The following PPP4R3B variants were observed in gnomAD, a reference collection of about 807,000 sequenced individuals.
The protein encoded by PPP4R3B is serine/threonine-protein phosphatase 4 regulatory subunit 3B.
Under a neutral mutation model 95.4 loss-of-function variants are expected in PPP4R3B, and 52 were observed. That is an observed-to-expected ratio of 0.54 (90% confidence interval 0.44 to 0.69). The LOEUF (loss-of-function observed/expected upper bound fraction) is 0.69. Ranked by LOEUF, PPP4R3B falls within the 30% of genes least tolerant of loss-of-function variation. The pLI, the probability that PPP4R3B is intolerant of heterozygous loss-of-function variation, is 0.00. For missense variants in PPP4R3B, 1,003 were observed against 1,005.9 expected (o/e 1.00, Z 0.04); for synonymous variants, 407 against 343.9 (o/e 1.18, Z -2.03).
At chr2:55,602,874 T>C (rs1355875172) in intron 3 of PPP4R3B, among the ~76,000 whole-genome samples, 1 of 152,150 alleles carries the variant, frequency 6.6e-6, no homozygotes, top group Non-Finnish European at 1.5e-5. Context: ...ATTATGGAAA[T>C]TGAGAGTGCT....
At chr2:55,588,291 A>G (rs1334846902) in intron 5 of PPP4R3B, among the ~76,000 whole-genome samples, 1 of 152,042 alleles carries the variant, frequency 6.6e-6, no homozygotes, top group African/African-American at 2.4e-5. Flanking sequence ...AGGCGGGGGG[A>G]TCACCTCAGG....
chr2:55,558,132 C>T (rs1227451736), intron 16 of PPP4R3B, among the ~76,000 whole-genome samples: 1 of 152,116 alleles, frequency 6.6e-6, no homozygotes, highest in African/African-American at 2.4e-5. Context: ...GCCACGCACA[C>T]TCATACACAG....
At chr2:55,570,980 A>G (rs1687924535) in intron 12 of PPP4R3B, among the ~76,000 whole-genome samples, 3 of 152,210 alleles carry the variant, frequency 2.0e-5, no homozygotes, top group Admixed American at 2.0e-4. Flanking sequence ...CACTGCTTAT[A>G]ATAATAGAAA....
chr2:55,596,334 T>C (rs1369236571), intron 4 of PPP4R3B, among the ~76,000 whole-genome samples: 4 of 57,298 alleles, frequency 7.0e-5, no homozygotes, highest in African/African-American at 3.6e-4. Flanking sequence ...AATCATCAGA[T>C]TCGTCTATTT....
rs753735372 is a variant in PPP4R3B at position 55,598,904 on chromosome 2, T to G, written c.433A>C (p.Ile145Leu). The change falls in exon 4 of 17, where the codon ATT (isoleucine) becomes CTT (leucine). Residue 145 changes from isoleucine (I) to leucine (L), a missense_variant. By Grantham distance (5) the Ile-to-Leu change is conservative. Transcript: ENST00000616407. ...PTCELNKLEE[I>L]ADLVTSVLSS... Reference sequence around the variant, plus strand: ...AGCACTGAGGTAACTAAGTCAGCAATCTCTTCAAGTTTATTGAGTTCACAT... The same window carrying G: ...AGCACTGAGGTAACTAAGTCAGCAAGCTCTTCAAGTTTATTGAGTTCACAT... 9 of 1,614,042 alleles carry G rather than the reference T, an allele frequency of 5.6e-6. No individual in the cohort carries two copies. The South Asian group carries it at 8.8e-5, about 16-fold the overall frequency.
chr2:55,565,621 T>C (rs771813487), intron 13 of PPP4R3B: 5 of 152,476 alleles, frequency 3.3e-5, no homozygotes, highest in Admixed American at 2.0e-4. Flanking sequence ...TAATATTATG[T>C]ATTAATAAAA....
intron 3 of PPP4R3B, among the ~76,000 whole-genome samples, chr2:55,600,416 A>C (rs150281154): frequency 0.023 from 2,556 of 112,638 alleles, 105 homozygotes; most frequent in African/African-American, 0.081. Flanking sequence ...ACGAGAGTGA[A>C]ACTCTGTCTC....
chr2:55,590,235 G>A (rs913316298), intron 4 of PPP4R3B, among the ~76,000 whole-genome samples: 1 of 151,636 alleles, frequency 6.6e-6, no homozygotes, highest in African/African-American at 2.4e-5. Flanking sequence ...GCTGAGGCAG[G>A]AGAATCGCTT....
At chr2:55,558,994 G>T in intron 15 of PPP4R3B, 26 bp from the exon 16 acceptor site, 3 of 1,566,402 alleles carry the variant, frequency 1.9e-6, no homozygotes, top group Non-Finnish European at 2.6e-6. Flanking sequence ...AATTTTGAAC[G>T]TATATCAATA....
At chr2:55,579,058 G>A (rs1689085348) in intron 9 of PPP4R3B, among the ~76,000 whole-genome samples, 1 of 151,794 alleles carries the variant, frequency 6.6e-6, no homozygotes. Context: ...TTACCTAGAG[G>A]GATATACTAA....
At chr2:55,579,914 A>G (rs1689216518) in intron 8 of PPP4R3B, 133 bp from the exon 9 acceptor site, 1 of 418,080 alleles carries the variant, frequency 2.4e-6, no homozygotes, top group Non-Finnish European at 4.1e-6. Context: ...ATATAAGCAG[A>G]TACTTTAAAA....
intron 3 of PPP4R3B, among the ~76,000 whole-genome samples, chr2:55,600,580 T>C (rs767632484): frequency 6.6e-6 from 1 of 152,012 alleles, no homozygotes; most frequent in Non-Finnish European, 1.5e-5. Context: ...TATGATTTTG[T>C]GAAATATCAT....
intron 4 of PPP4R3B, chr2:55,591,398 C>T (rs780867662): frequency 4.2e-4 from 171 of 409,548 alleles, no homozygotes; most frequent in Non-Finnish European, 5.2e-4. Context: ...CCACCTCAGC[C>T]TCCCAAAGTG....
At position 55,616,739 on chromosome 2, in the gene PPP4R3B, T is replaced by TA. The variant is rs746234353; in HGVS notation, c.142+404dup. 154 of 152,462 alleles carry TA rather than the reference T, an allele frequency of 1.0e-3. No individual in the cohort carries two copies. In the East Asian group the frequency reaches 0.015, roughly 15 times the overall value. 9.4% of individuals were successfully genotyped at this position (152,462 alleles called of 1,614,324 possible). ...GCCCGTTGGTACAATTTTTTTTTTT[T>TA]AAAAACACTCGGAAAGAAAAGTTTC... On this transcript the variant is annotated intron_variant, in intron 1 of 16. Transcript: ENST00000616407.
chr2:55,576,209 C>T (rs186867176), intron 11 of PPP4R3B, among the ~76,000 whole-genome samples: 2 of 152,124 alleles, frequency 1.3e-5, no homozygotes, highest in Admixed American at 1.3e-4. Flanking sequence ...ATTAGTTGGG[C>T]GTGGTGGTGC....
intron 15 of PPP4R3B, among the ~76,000 whole-genome samples, chr2:55,559,617 C>A (rs1191288240): frequency 6.6e-6 from 1 of 152,148 alleles, no homozygotes; most frequent in East Asian, 1.9e-4. Flanking sequence ...CACTTCCCCC[C>A]TTGCTCTCTC....
chr2:55,606,624 C>A (rs946067792), intron 2 of PPP4R3B, among the ~76,000 whole-genome samples: 6 of 151,918 alleles, frequency 3.9e-5, no homozygotes, highest in African/African-American at 1.4e-4. Context: ...GAGTTTGAGA[C>A]CAGTATGGCC....
chr2:55,610,538 C>A (rs1431784324), intron 2 of PPP4R3B, among the ~76,000 whole-genome samples: 1 of 152,106 alleles, frequency 6.6e-6, no homozygotes. Flanking sequence ...CTTAATGATT[C>A]CAGCTTATAT....
chr2:55,560,817 C>T (rs1240889460), intron 15 of PPP4R3B, among the ~76,000 whole-genome samples: 5 of 141,300 alleles, frequency 3.5e-5, no homozygotes, highest in African/African-American at 5.2e-5. Flanking sequence ...AAAAAGAGGC[C>T]TTCTGGCGGT....
Sources: gnomAD v4.1 joint callset for allele counts (sites outside exome capture counted in the v4.1 genomes callset) on GRCh38, gnomAD v4.1.1 for gene constraint, MANE v1.5 for transcripts, NCBI Gene and HGNC (gene_info 2026-07-23, HGNC 2026-07-21) for gene names.